Variants in PRDM5 observed in about 807,000 individuals in gnomAD.
The protein encoded by PRDM5 is PR/SET domain 5, also known as PR domain zinc finger protein 5.
A neutral mutation model predicts 81.2 loss-of-function variants in PRDM5; 56 were observed. The observed-to-expected ratio is 0.69, with a 90% CI of 0.56 to 0.86. The LOEUF (loss-of-function observed/expected upper bound fraction) is 0.86, where lower values mean the gene tolerates loss of function less well. PRDM5 is among the 40% of genes least tolerant of loss of function. The probability of loss-of-function intolerance (pLI) is 0.00; values close to 1 mark genes in which losing one functional copy is unlikely to be tolerated. For synonymous variants in PRDM5, 267 were observed against 256.4 expected, an observed-to-expected ratio of 1.04 and a Z score of -0.39; for missense variants, 697 against 770.1, an observed-to-expected ratio of 0.91 and a Z score of 1.12.
intron 2 of PRDM5, among the ~76,000 whole-genome samples, chr4:120,873,930 T>C (rs1762096970): frequency 6.6e-6 from 1 of 152,208 alleles, no homozygotes; most frequent in African/African-American, 2.4e-5. Context: ...TTTTGGGCTA[T>C]TATGTACACT....
intron 13 of PRDM5, among the ~76,000 whole-genome samples, chr4:120,759,349 T>G (rs773681966): frequency 2.3e-4 from 35 of 152,224 alleles, no homozygotes; most frequent in Non-Finnish European, 4.1e-4. Flanking sequence ...CAGCTTAGAC[T>G]CTACATTAAA....
At chr4:120,825,028 C>T (rs530377805) in intron 3 of PRDM5, among the ~76,000 whole-genome samples, 2 of 152,078 alleles carry the variant, frequency 1.3e-5, no homozygotes, top group East Asian at 3.9e-4. Context: ...AACCCTGTTC[C>T]TTGATACCAG....
At chr4:120,873,219 G>T (rs1762015789) in intron 2 of PRDM5, among the ~76,000 whole-genome samples, 1 of 152,058 alleles carries the variant, frequency 6.6e-6, no homozygotes. Flanking sequence ...GGCCAGGCTG[G>T]TCTCGAACTC....
At chr4:120,845,210 A>G (rs1267622349) in intron 3 of PRDM5, among the ~76,000 whole-genome samples, 12 of 152,250 alleles carry the variant, frequency 7.9e-5, no homozygotes, top group Admixed American at 7.9e-4. Context: ...AGATATTAAT[A>G]ATTAAGAAAA....
chr4:120,899,172 T>TA (rs1764976183), intron 2 of PRDM5, among the ~76,000 whole-genome samples: 1 of 152,144 alleles, frequency 6.6e-6, no homozygotes, highest in East Asian at 1.9e-4. Context: ...GTCTGATACT[T>TA]ACTTTGGTTA....
rs988171720 is a variant in PRDM5 at position 120,839,259 on chromosome 4, G to T, written c.300+14159C>A. On this transcript the variant is annotated intron_variant, in intron 3 of 15. Transcript: ENST00000264808. The stretch of plus-strand genomic sequence containing the variant: ...CTCTTTTAGCCTCGCCATTCGGCGG[G>T]TCCCAAATTCTTGTCCTGTGACCAG... 13 of 703,122 alleles carry T rather than the reference G, an allele frequency of 1.8e-5. No individual in the cohort carries two copies. The African/African-American group carries it at 2.1e-4, about 11-fold the overall frequency. The allele number at this position is 703,122 out of a possible 1,614,324, so 43.6% of individuals were successfully genotyped here. A position where few individuals can be genotyped will look rare whatever the true frequency, so the allele number is the denominator to read the frequency against.
At chr4:120,701,756 C>T (rs974322671) in intron 15 of PRDM5, among the ~76,000 whole-genome samples, 2 of 152,008 alleles carry the variant, frequency 1.3e-5, no homozygotes, top group Non-Finnish European at 2.9e-5. Context: ...ACACCTAAAA[C>T]CTCAGTATCA....
chr4:120,784,129 C>G (rs1438921368), intron 11 of PRDM5, among the ~76,000 whole-genome samples: 1 of 152,034 alleles, frequency 6.6e-6, no homozygotes, highest in African/African-American at 2.4e-5. Flanking sequence ...AAGTTTCTGG[C>G]TACTTCAGCA....
Position 120,853,535 on chromosome 4 carries a change from A to C in PRDM5, c.183T>G (p.Arg61=). The C allele has an allele frequency of 6.2e-7, 1 of 1,613,658 alleles. No individual in the cohort carries two copies. Among genetic ancestry groups the C allele is most frequent in the Non-Finnish European group, 8.5e-7 (1 of 1,179,650 alleles). ...NMDYRLMWEV[R]GSKGEVLYIL... Reference sequence around the variant, plus strand: ...TGTACAAAACTTCTCCCTTACTCCCACGAACCTGAAACATTAAAGGCTCCT... The same window carrying C: ...TGTACAAAACTTCTCCCTTACTCCCCCGAACCTGAAACATTAAAGGCTCCT... The change falls in exon 3 of 16, where the codon CGT becomes CGG. Residue 61 remains arginine (R), a synonymous_variant. Coordinates refer to ENST00000264808, the MANE Select transcript of PRDM5 (RefSeq NM_018699.4).
chr4:120,903,656 C>T (rs1049092230), intron 2 of PRDM5, among the ~76,000 whole-genome samples: 2 of 152,142 alleles, frequency 1.3e-5, no homozygotes, highest in Non-Finnish European at 2.9e-5. Context: ...CCATGAACTG[C>T]AATAATCCCC....
At position 120,693,286 on chromosome 4, in the gene PRDM5, A is replaced by G. The variant is rs1734200009; in HGVS notation, c.*1825T>C. ...AAGCATCCCATATAGAGAAAGCAGCATTCAAAGAAATATACAGGATGTGCT... is the reference window on the plus strand; with the variant it reads ...AAGCATCCCATATAGAGAAAGCAGCGTTCAAAGAAATATACAGGATGTGCT... On this transcript the variant is annotated 3_prime_UTR_variant, in exon 16 of 16. Coordinates refer to ENST00000264808, the MANE Select transcript of PRDM5 (RefSeq NM_018699.4). 1 of 152,150 alleles carries G rather than the reference A, an allele frequency of 6.6e-6. No individual in the cohort carries two copies. The highest frequency in any genetic ancestry group is 6.6e-5 in the Admixed American group (1 of 15,240). The allele number at this position is 152,150 out of a possible 1,614,324, so 9.4% of individuals were successfully genotyped here.
chr4:120,741,086 G>C (rs893638254), intron 14 of PRDM5, among the ~76,000 whole-genome samples: 1 of 152,020 alleles, frequency 6.6e-6, no homozygotes, highest in Non-Finnish European at 1.5e-5. Context: ...CTCCCAATCC[G>C]ATTCAACCAA....
chr4:120,919,952 C>A (rs1003894139), intron 1 of PRDM5, among the ~76,000 whole-genome samples: 1 of 151,876 alleles, frequency 6.6e-6, no homozygotes. Context: ...GATTTTTATA[C>A]TGGAAAAAAA....
chr4:120,919,867 T>C (rs1488338976), intron 1 of PRDM5, among the ~76,000 whole-genome samples: 2 of 152,204 alleles, frequency 1.3e-5, no homozygotes, highest in Non-Finnish European at 2.9e-5. Context: ...AAAGTATGAA[T>C]GAACTCAGGT....
chr4:120,699,184 A>C, intron 15 of PRDM5, among the ~76,000 whole-genome samples: 1 of 113,672 alleles, frequency 8.8e-6, no homozygotes, highest in East Asian at 2.5e-4. Flanking sequence ...ATATATATAT[A>C]TATATATATA....
intron 14 of PRDM5, among the ~76,000 whole-genome samples, chr4:120,743,067 T>A (rs1263390078): frequency 6.6e-6 from 1 of 151,858 alleles, no homozygotes; most frequent in African/African-American, 2.4e-5. Flanking sequence ...CCCATCAGAC[T>A]AATAGCGGAT....
chr4:120,704,902 A>C (rs1735894208), intron 15 of PRDM5, among the ~76,000 whole-genome samples: 1 of 152,212 alleles, frequency 6.6e-6, no homozygotes, highest in Non-Finnish European at 1.5e-5. Flanking sequence ...GGGGAAGTGA[A>C]AAGAATTCAC....
At position 120,872,535 on chromosome 4, in the gene PRDM5, G is replaced by A. The variant is rs186165048; in HGVS notation, c.178-18995C>T. Among the ~76,000 whole-genome samples, 78 of 152,282 alleles carry A rather than the reference G, an allele frequency of 5.1e-4. 1 individual carries two copies. In the Middle Eastern group the frequency reaches 0.01, roughly 20 times the overall value. Reference sequence around the variant, plus strand: ...AGAGGCCGAGGCAGGAGGATGACTTGAGGCCAAGAAATTGAGACCAGTCTG... The same window carrying A: ...AGAGGCCGAGGCAGGAGGATGACTTAAGGCCAAGAAATTGAGACCAGTCTG... On this transcript the variant is annotated intron_variant, in intron 2 of 15. Coordinates refer to ENST00000264808, the MANE Select transcript of PRDM5 (RefSeq NM_018699.4).
At position 120,754,767 on chromosome 4, in the gene PRDM5, G is replaced by A. The variant is rs1304020304; in HGVS notation, c.1538-129C>T. The A allele has an allele frequency of 9.8e-6, 7 of 714,594 alleles. No individual in the cohort carries two copies. In the African/African-American group the frequency reaches 1.2e-4, roughly 12 times the overall value. 44.3% of individuals were successfully genotyped at this position (714,594 alleles called of 1,614,324 possible). On this transcript the variant is annotated intron_variant, in intron 13 of 15. Transcript: ENST00000264808. ...TGTGCTACTTCAAGAAGTGGCTCCA[G>A]GCACAGCAGGGCAGATCCAAGCATG...
Sources: gnomAD v4.1 joint callset for allele counts (sites outside exome capture counted in the v4.1 genomes callset) on GRCh38, gnomAD v4.1.1 for gene constraint, MANE v1.5 for transcripts, NCBI Gene and HGNC (gene_info 2026-07-23, HGNC 2026-07-21) for gene names.